The following LRRC37A2 variants were observed in gnomAD, a reference collection of about 807,000 sequenced individuals.
The protein encoded by LRRC37A2 is leucine-rich repeat-containing protein 37A2.
In LRRC37A2, 9 loss-of-function variants were observed where a neutral mutation model predicts 68.8. The ratio of observed to expected loss-of-function variants is 0.13; its 90% CI spans 0.08 to 0.23. The LOEUF (loss-of-function observed/expected upper bound fraction) is 0.23. LRRC37A2 is among the 10% of genes least tolerant of loss of function. The pLI is 1.00. For missense variants in LRRC37A2, 168 were observed against 950.4 expected, an observed-to-expected ratio of 0.18 and a Z score of 10.82; for synonymous variants, 63 against 367.6, an observed-to-expected ratio of 0.17 and a Z score of 9.48.
the LRRC37A2 span, among the ~76,000 whole-genome samples, chr17:46,586,380 T>TCA: frequency 0.019 from 329 of 17,210 alleles, 40 homozygotes; most frequent in Non-Finnish European, 0.097. Flanking sequence ...TCTCTCTCTG[T>TCA]CACACACACA....
chr17:46,957,935 A>G, the LRRC37A2 span, among the ~76,000 whole-genome samples: 1 of 152,168 alleles, frequency 6.6e-6, no homozygotes, highest in Non-Finnish European at 1.5e-5. Context: ...TAGCATGGCA[A>G]TGGAAGTGAG....
chr17:46,785,724 C>T, the LRRC37A2 span, among the ~76,000 whole-genome samples: 6 of 152,172 alleles, frequency 3.9e-5, no homozygotes, highest in East Asian at 1.9e-4. Context: ...GGAAAGGGTG[C>T]GGGCAGGAGC....
intron 6 of LRRC37A2, among the ~76,000 whole-genome samples, chr17:46,537,096 T>TGC (rs1381608217): frequency 3.4e-5 from 3 of 87,850 alleles, no homozygotes; most frequent in African/African-American, 1.8e-4. Flanking sequence ...TTTTTTTTTT[T>TGC]TTTTTTTTTT....
chr17:46,494,828 G>A, the LRRC37A2 span, among the ~76,000 whole-genome samples: 1 of 151,106 alleles, frequency 6.6e-6, no homozygotes, highest in East Asian at 1.9e-4. Context: ...TTTGTATTGG[G>A]AAGATAACAA....
the LRRC37A2 span, among the ~76,000 whole-genome samples, chr17:46,774,409 G>A: frequency 2.0e-5 from 3 of 152,318 alleles, no homozygotes; most frequent in South Asian, 2.1e-4. Flanking sequence ...TCTTCCCTGC[G>A]ATGGTGCCAG....
At chr17:46,879,572 T>C in the LRRC37A2 span, among the ~76,000 whole-genome samples, 1 of 152,264 alleles carries the variant, frequency 6.6e-6, no homozygotes, top group South Asian at 2.1e-4. Context: ...CCGTTATCTC[T>C]GTGAGGTAGG....
At chr17:46,932,405 G>A in the LRRC37A2 span, 3 of 624,740 alleles carry the variant, frequency 4.8e-6, no homozygotes, top group Non-Finnish European at 2.8e-6. Context: ...AACCTGAAGA[G>A]GAAGCAGTTA....
the LRRC37A2 span, among the ~76,000 whole-genome samples, chr17:46,732,654 A>G: frequency 6.6e-6 from 1 of 152,222 alleles, no homozygotes; most frequent in Admixed American, 6.5e-5. Context: ...GTGAAGAGTG[A>G]AAAACATCAT....
chr17:46,843,222 C>T, the LRRC37A2 span, among the ~76,000 whole-genome samples: 1 of 152,224 alleles, frequency 6.6e-6, no homozygotes, highest in African/African-American at 2.4e-5. Context: ...AAAGGCTTAA[C>T]TAGTTTAAAA....
chr17:47,002,421 A>C, the LRRC37A2 span, among the ~76,000 whole-genome samples: 1 of 149,454 alleles, frequency 6.7e-6, no homozygotes. Context: ...ACAGCGTTTC[A>C]CTCTTCTTGC....
the LRRC37A2 span, chr17:46,923,922 T>C: frequency 1.5e-5 from 6 of 398,476 alleles, no homozygotes; most frequent in African/African-American, 4.1e-5. Context: ...GGCAGAATTA[T>C]GATTTTTACC....
the LRRC37A2 span, among the ~76,000 whole-genome samples, chr17:46,846,512 C>A: frequency 2.0e-5 from 3 of 152,222 alleles, no homozygotes; most frequent in Non-Finnish European, 1.5e-5. Context: ...GCACAAAGTA[C>A]AGTTGTGCCA....
chr17:46,976,225 G>A, the LRRC37A2 span, among the ~76,000 whole-genome samples: 3 of 148,142 alleles, frequency 2.0e-5, no homozygotes, highest in African/African-American at 5.0e-5. Context: ...CACGCCTGGC[G>A]ATAAAAGTTT....
At chr17:46,868,299 C>A in the LRRC37A2 span, among the ~76,000 whole-genome samples, 1,362 of 152,304 alleles carry the variant, frequency 8.9e-3, 11 homozygotes, top group Middle Eastern at 0.031. Context: ...TTCATTAAGA[C>A]CCCCATATTT....
At chr17:47,005,148 CG>C in the LRRC37A2 span, among the ~76,000 whole-genome samples, 3 of 152,212 alleles carry the variant, frequency 2.0e-5, no homozygotes, top group African/African-American at 7.2e-5. Context: ...GTGTAAGTCA[CG>C]CTTTTATTCT....
chr17:46,635,975 G>A, the LRRC37A2 span, among the ~76,000 whole-genome samples: 3 of 64,524 alleles, frequency 4.6e-5, no homozygotes, highest in African/African-American at 2.4e-4. Flanking sequence ...ACAGTATACA[G>A]CACTGTAAAA....
chr17:47,012,838 G>A, the LRRC37A2 span, among the ~76,000 whole-genome samples: 2 of 152,080 alleles, frequency 1.3e-5, no homozygotes, highest in African/African-American at 4.8e-5. Flanking sequence ...TTAAACCTAG[G>A]GTTACCCCAT....
the LRRC37A2 span, among the ~76,000 whole-genome samples, chr17:46,842,385 T>G: frequency 6.6e-6 from 1 of 152,178 alleles, no homozygotes; most frequent in Non-Finnish European, 1.5e-5. Flanking sequence ...TTTATTTGGT[T>G]GTTTTTTCAG....
At chr17:46,717,797 G>A in the LRRC37A2 span, among the ~76,000 whole-genome samples, 2 of 152,114 alleles carry the variant, frequency 1.3e-5, no homozygotes, top group African/African-American at 4.8e-5. Flanking sequence ...CAGTGCCAGC[G>A]GCAAGCGAAC....
Sources: allele counts gnomAD v4.1 joint callset (sites outside exome capture counted in the v4.1 genomes callset), GRCh38; gene constraint gnomAD v4.1.1; transcripts MANE v1.5; gene names NCBI Gene and HGNC (gene_info 2026-07-23, HGNC 2026-07-21).